The following PIK3R3 variants were observed in gnomAD, a reference collection of about 807,000 sequenced individuals.
The protein encoded by PIK3R3 is phosphoinositide-3-kinase regulatory subunit 3.
In PIK3R3, 64 loss-of-function variants were observed where a neutral mutation model predicts 62.9. The ratio of observed to expected loss-of-function variants is 1.02; its 90% CI spans 0.83 to 1.25. PIK3R3 has a LOEUF of 1.25. Among genes scored for constraint, PIK3R3 ranks in the 50% most tolerant of loss-of-function variants. PIK3R3 has a pLI of 0.00. For missense variants in PIK3R3, 614 were observed against 561.6 expected (o/e 1.09, Z -0.94); for synonymous variants, 165 against 189.0 (o/e 0.87, Z 1.04).
At chr1:46,152,335 C>T in the PIK3R3 span, among the ~76,000 whole-genome samples, 2 of 152,288 alleles carry the variant, frequency 1.3e-5, no homozygotes, top group South Asian at 4.1e-4. Flanking sequence ...GCCAAGAGCA[C>T]TCTTTCCCCA....
chr1:46,136,622 A>T (rs72677556), upstream of PIK3R3, among the ~76,000 whole-genome samples: 1 of 152,090 alleles, frequency 6.6e-6, no homozygotes, highest in South Asian at 2.1e-4. Flanking sequence ...GCATTCCCCT[A>T]GATGCTGCTG....
chr1:46,160,612 C>T, the PIK3R3 span, among the ~76,000 whole-genome samples: 1 of 152,194 alleles, frequency 6.6e-6, no homozygotes. Flanking sequence ...TAGGCTGTCC[C>T]CTTGAATGGC....
At chr1:46,120,555 G>C (rs1258688741) in intron 1 of PIK3R3, among the ~76,000 whole-genome samples, 4 of 152,194 alleles carry the variant, frequency 2.6e-5, no homozygotes, top group African/African-American at 9.7e-5. Context: ...CCTGGCGACA[G>C]AGGGAGCCTC....
At chr1:46,145,208 G>A in the PIK3R3 span, among the ~76,000 whole-genome samples, 2 of 151,916 alleles carry the variant, frequency 1.3e-5, no homozygotes, top group African/African-American at 2.4e-5. Flanking sequence ...GGGGGAGATG[G>A]GAGGGAGAGA....
chr1:46,072,270 A>G (rs1649606424), intron 3 of PIK3R3, among the ~76,000 whole-genome samples: 1 of 152,210 alleles, frequency 6.6e-6, no homozygotes, highest in African/African-American at 2.4e-5. Flanking sequence ...ATTGTTAGAT[A>G]CCCTGCAGAG....
intron 1 of PIK3R3, among the ~76,000 whole-genome samples, chr1:46,093,854 C>CAA (rs1165093882): frequency 2.3e-4 from 16 of 70,360 alleles, no homozygotes; most frequent in African/African-American, 4.2e-4. Context: ...GACTCCATCT[C>CAA]AAAAAAAAAA....
At position 46,110,671 on chromosome 1, in the gene PIK3R3, G is replaced by C. The variant is rs1323426591; in HGVS notation, c.106+21176C>G. On this transcript the variant is annotated intron_variant, in intron 1 of 9. Transcript: ENST00000262741. ...TTTCTTACCCATCTTTGTATCTCCAGTGCCAAGTGTTTCACACATAGAAGC... is the reference window on the plus strand; with the variant it reads ...TTTCTTACCCATCTTTGTATCTCCACTGCCAAGTGTTTCACACATAGAAGC... Among the ~76,000 whole-genome samples the C allele has an allele frequency of 2.0e-5, 3 of 152,058 alleles. No homozygotes were observed. In the East Asian group the frequency reaches 5.8e-4, roughly 29 times the overall value.
Position 46,132,051 on chromosome 1 carries a change from AC to A in PIK3R3, c.-100del. 6.7e-7 allele frequency: 1 copy of A among 1,498,592 alleles called. No individual in the cohort carries two copies. The highest frequency in any genetic ancestry group is 8.9e-7 in the Non-Finnish European group (1 of 1,125,272). 92.8% of individuals were successfully genotyped at this position (1,498,592 alleles called of 1,614,324 possible). On this transcript the variant is annotated 5_prime_UTR_variant, in exon 1 of 10. Coordinates refer to ENST00000262741, the MANE Select transcript of PIK3R3 (RefSeq NM_003629.4). ...AAATATATATCTGCAAAAGTTCCAC[AC>A]GGAAATGTACTTCGGGTTTTCCAAC...
chr1:46,111,747 G>C (rs1653764110), intron 1 of PIK3R3, among the ~76,000 whole-genome samples: 1 of 151,906 alleles, frequency 6.6e-6, no homozygotes, highest in South Asian at 2.1e-4. Context: ...GGGGGGGCAT[G>C]TTTTGGGTCT....
intron 7 of PIK3R3, among the ~76,000 whole-genome samples, chr1:46,050,470 C>A (rs891026525): frequency 6.6e-6 from 1 of 151,906 alleles, no homozygotes; most frequent in Non-Finnish European, 1.5e-5. Context: ...GAGGCTGAGG[C>A]AAGAGAATTG....
intron 1 of PIK3R3, among the ~76,000 whole-genome samples, chr1:46,110,447 C>CT (rs34810961): frequency 1.4e-4 from 21 of 151,176 alleles, no homozygotes; most frequent in Middle Eastern, 6.8e-3. Context: ...AGCCCAGCTA[C>CT]TTTTTTTTTA....
chr1:46,055,942 G>T lies in PIK3R3; in HGVS notation c.794C>A (p.Ser265Ter). 6.3e-7 allele frequency: 1 copy of T among 1,593,210 alleles called. No homozygotes were observed. The highest frequency in any genetic ancestry group is 8.5e-7 in the Non-Finnish European group (1 of 1,171,952). ...RIMMNYDKLK[S>*]RLGEIHDSKM... The stretch of plus-strand genomic sequence containing the variant: ...GCTATCATGAATCTCACCCAGACGT[G>T]ATTTCAATTTATCATAATTCATCAT... The change falls in exon 7 of 10, where the codon TCA becomes TAA. Residue 265 changes from serine (S) to a stop codon, truncating the protein, a stop_gained. Transcript: ENST00000262741. LOFTEE classifies it high-confidence loss of function.
chr1:46,055,824 CTGGAT>C lies in PIK3R3; in HGVS notation c.907_911del (p.Ile303AlafsTer29). 6.6e-7 allele frequency: 1 copy of C among 1,512,028 alleles called. No individual in the cohort carries two copies. The highest frequency in any genetic ancestry group is 2.0e-5 in the Admixed American group (1 of 49,528). 93.7% of individuals were successfully genotyped at this position (1,512,028 alleles called of 1,614,324 possible). On this transcript the variant is annotated frameshift_variant, in exon 7 of 10. Transcript: ENST00000262741. LOFTEE classifies it high-confidence loss of function. ...GGTGTTGATCTCGGATCTTTCGCAG[CTGGAT>C]CAGGTCAGGTTTGATGCTATTCATT...
At chr1:46,047,811 C>T (rs1011471704) in intron 7 of PIK3R3, among the ~76,000 whole-genome samples, 12 of 152,124 alleles carry the variant, frequency 7.9e-5, no homozygotes, top group Non-Finnish European at 1.5e-4. Flanking sequence ...GACGGACTCT[C>T]ACTCTGTCAC....
At chr1:46,045,555 T>C (rs561374993) in intron 9 of PIK3R3, among the ~76,000 whole-genome samples, 1 of 150,846 alleles carries the variant, frequency 6.6e-6, no homozygotes, top group Admixed American at 6.6e-5. Flanking sequence ...TTAATCAAGC[T>C]TTTCCTAATC....
At chr1:46,099,612 A>G (rs1049994010) in intron 1 of PIK3R3, among the ~76,000 whole-genome samples, 3 of 152,164 alleles carry the variant, frequency 2.0e-5, no homozygotes, top group African/African-American at 7.2e-5. Flanking sequence ...GTTCTCTACC[A>G]TTACATGAAT....
At position 46,132,582 on chromosome 1, in the gene PIK3R3, G is replaced by T; in HGVS notation, c.-630C>A. The T allele has an allele frequency of 7.8e-7, 1 of 1,287,620 alleles. No individual in the cohort carries two copies. The highest frequency in any genetic ancestry group is 1.2e-5 in the South Asian group (1 of 80,876). The allele number at this position is 1,287,620 out of a possible 1,614,324, so 79.8% of individuals were successfully genotyped here. ...TCGGCTTGTCTGGGCGCTCCCGCCGGGGTGTAAGAACCAACCCGACCGCAC... is the reference window on the plus strand; with the variant it reads ...TCGGCTTGTCTGGGCGCTCCCGCCGTGGTGTAAGAACCAACCCGACCGCAC... On this transcript the variant is annotated 5_prime_UTR_variant, in exon 1 of 10. Coordinates refer to ENST00000262741, the MANE Select transcript of PIK3R3 (RefSeq NM_003629.4).
At position 46,040,227 on chromosome 1, in the gene PIK3R3, A is replaced by G. The variant is rs1004148519; in HGVS notation, c.*3446T>C. The G allele has an allele frequency of 8.6e-6, 2 of 232,752 alleles. No individual in the cohort carries two copies. Among genetic ancestry groups the G allele is most frequent in the East Asian group, 6.1e-5 (1 of 16,456 alleles). The allele number at this position is 232,752 out of a possible 1,614,324, so 14.4% of individuals were successfully genotyped here. On this transcript the variant is annotated 3_prime_UTR_variant, in exon 10 of 10. Transcript: ENST00000262741. ...GGGAAGGTATTAAACAAAAAGACCA[A>G]TAAGTATCTCCTCTCGCCTTTCCCC...
intron 1 of PIK3R3, among the ~76,000 whole-genome samples, chr1:46,122,655 A>G (rs183218007): frequency 6.6e-6 from 1 of 152,286 alleles, no homozygotes; most frequent in African/African-American, 2.4e-5. Context: ...GGTGTGAGCC[A>G]CCGCGCCCGG....
Sources: gnomAD v4.1 joint callset for allele counts (sites outside exome capture counted in the v4.1 genomes callset) on GRCh38, gnomAD v4.1.1 for gene constraint, MANE v1.5 for transcripts, NCBI Gene and HGNC (gene_info 2026-07-23, HGNC 2026-07-21) for gene names.